The following CENPM variants were observed in gnomAD, a reference collection of about 807,000 sequenced individuals.
CENPM encodes centromere protein M.
CENPM carries 14 observed loss-of-function variants against 19.6 expected under a neutral mutation model. The observed-to-expected ratio is 0.71, with a 90% confidence interval of 0.47 to 1.11. The LOEUF (loss-of-function observed/expected upper bound fraction) is 1.11, where lower values mean the gene tolerates loss of function less well. Among genes scored for constraint, CENPM ranks in the 50% most tolerant of loss-of-function variants. The pLI, the probability that CENPM is intolerant of heterozygous loss-of-function variation, is 0.00. For missense variants in CENPM, 239 were observed against 228.4 expected (o/e 1.05, Z -0.30); for synonymous variants, 114 against 101.5 (o/e 1.12, Z -0.74).
chr22:41,929,001 C>T, the CENPM span, among the ~76,000 whole-genome samples: 1 of 151,988 alleles, frequency 6.6e-6, no homozygotes, highest in Admixed American at 6.5e-5. Context: ...CCCTCTCCAT[C>T]CCCTGTACAT....
intron 1 of CENPM, 142 bp from the exon 2 acceptor site, chr22:41,946,638 C>G: frequency 1.5e-6 from 1 of 682,794 alleles, no homozygotes; most frequent in Non-Finnish European, 2.5e-6. Flanking sequence ...GTGGACCCCG[C>G]GAAGCGGCAC....
chr22:41,943,681 T>C lies in CENPM; in HGVS notation c.331A>G (p.Ser111Gly), dbSNP rs755500839. Residue 111 changes from serine to glycine, a missense_variant, in exon 5 of 6, where the codon AGC becomes GGC. By Grantham distance (56) the Ser-to-Gly change is moderately conservative. Transcript: ENST00000215980. ...ATGAGRESHCSIHRHTVVKLA... is the reference protein window; with the variant it reads ...ATGAGRESHCGIHRHTVVKLA... ...TTCACCACGGTGTGCCGGTGAATGC[T>C]GCAGTGGCTCTCCCGCCCAGCTGGA... The C allele has an allele frequency of 2.5e-6, 4 of 1,613,526 alleles. No homozygotes were observed. The African/African-American group carries it at 4.0e-5, about 16-fold the overall frequency.
chr22:41,945,588 C>A (rs2077790976), intron 3 of CENPM, among the ~76,000 whole-genome samples: 1 of 151,676 alleles, frequency 6.6e-6, no homozygotes, highest in Non-Finnish European at 1.5e-5. Flanking sequence ...GTAGCTGGGA[C>A]TACAGGTACA....
downstream of CENPM, among the ~76,000 whole-genome samples, chr22:41,935,045 T>C (rs999085783): frequency 8.5e-5 from 13 of 152,246 alleles, no homozygotes; most frequent in African/African-American, 2.9e-4. Flanking sequence ...GGCTCAGCTC[T>C]GCTGTGAGGC....
chr22:41,946,718 G>C, intron 1 of CENPM: 1 of 593,322 alleles, frequency 1.7e-6, no homozygotes, highest in East Asian at 2.8e-5. Flanking sequence ...CCCGACCCTC[G>C]CTCCCACCGC....
chr22:41,933,073 C>T, the CENPM span, among the ~76,000 whole-genome samples: 2 of 152,068 alleles, frequency 1.3e-5, no homozygotes, highest in Non-Finnish European at 2.9e-5. Flanking sequence ...TCAGAGAAGG[C>T]CTGGTGGATG....
At chr22:41,946,880 G>T (rs1602395694) in intron 1 of CENPM, 140 bp downstream of exon 1, 2 of 818,754 alleles carry the variant, frequency 2.4e-6, no homozygotes, top group Admixed American at 2.1e-5. Flanking sequence ...TTGGTTCAGA[G>T]CATGGCTCTC....
chr22:41,943,686 T>G lies in CENPM; in HGVS notation c.326A>C (p.His109Pro). The change falls in exon 5 of 6, where the codon CAC becomes CCC. Residue 109 changes from histidine (H) to proline (P), a missense_variant. Physicochemically the swap from His to Pro is moderately conservative, Grantham distance 77 (BLOSUM62 -2). Coordinates refer to ENST00000215980, the MANE Select transcript of CENPM (RefSeq NM_024053.5). ...FLATGAGRES[H>P]CSIHRHTVVK... ...CACGGTGTGCCGGTGAATGCTGCAG[T>G]GGCTCTCCCGCCCAGCTGGAAAGAA... 1 of 1,613,492 alleles carries G rather than the reference T, an allele frequency of 6.2e-7. No homozygotes were observed. The highest frequency in any genetic ancestry group is 1.1e-5 in the South Asian group (1 of 90,936).
chr22:41,929,966 C>T, the CENPM span, among the ~76,000 whole-genome samples: 27 of 97,570 alleles, frequency 2.8e-4, no homozygotes, highest in Non-Finnish European at 5.5e-5. Context: ...TTTTTTGAGA[C>T]GGAGTCTCTC....
At chr22:41,941,814 C>T (rs765959049) in intron 5 of CENPM, among the ~76,000 whole-genome samples, 1 of 152,210 alleles carries the variant, frequency 6.6e-6, no homozygotes, top group Non-Finnish European at 1.5e-5. Context: ...AAATCAAATG[C>T]GTGATAGAGT....
intron 4 of CENPM, chr22:41,944,044 GACACCTCATGCATGCCGGAGTGAC>G: frequency 2.1e-6 from 2 of 940,118 alleles, no homozygotes; most frequent in South Asian, 9.8e-5. Context: ...AGACAGGTCA[GACACCTCATGCATGCCGGAGTGAC>G]ACTGGGGCTG....
chr22:41,936,645 G>C (rs1181948132), downstream of CENPM, among the ~76,000 whole-genome samples: 1 of 152,228 alleles, frequency 6.6e-6, no homozygotes, highest in South Asian at 2.1e-4. Flanking sequence ...AGAGGCCTTA[G>C]GCCGGCCGCG....
chr22:41,944,763 C>T (rs2077779690), intron 4 of CENPM: 1 of 985,242 alleles, frequency 1.0e-6, no homozygotes, highest in African/African-American at 1.7e-5. Context: ...AAGGCAGAGG[C>T]CAAACTGCAA....
At chr22:41,928,141 G>A in the CENPM span, 1 of 409,044 alleles carries the variant, frequency 2.4e-6, no homozygotes, top group Non-Finnish European at 4.9e-6. This position sits in a 1 kb window ranked among gnomAD's most constrained non-coding sequence, Gnocchi z 4.0. Flanking sequence ...AGCCACTGGG[G>A]CTTTGTGCAG....
chr22:41,941,573 G>C (rs969423180), intron 5 of CENPM, among the ~76,000 whole-genome samples: 1 of 152,222 alleles, frequency 6.6e-6, no homozygotes, highest in Admixed American at 6.5e-5. Context: ...GAGATGCTTC[G>C]TGGCAGACAA....
rs1443987169 is a variant in CENPM, at chr22:41,939,162, A to C, written c.437T>G (p.Leu146Arg). 1 of 1,612,468 alleles carries C rather than the reference A, an allele frequency of 6.2e-7. No homozygotes were observed. Among genetic ancestry groups the C allele is most frequent in the Admixed American group, 1.7e-5 (1 of 59,928 alleles). The stretch of plus-strand genomic sequence containing the variant: ...AGCACAGATCTGCAGCACGCGCACC[A>C]GGCGCTGCGCCATGGTGGCCCTAAA... Reference protein sequence around the residue: ...EGFRATMAQRLVRVLQICAGH... With the variant: ...EGFRATMAQRRVRVLQICAGH... Residue 146 changes from leucine (L) to arginine (R), a missense_variant, in exon 6 of 6, where the codon CTG becomes CGG. By Grantham distance (102) the Leu-to-Arg change is moderately radical. Coordinates refer to ENST00000215980, the MANE Select transcript of CENPM (RefSeq NM_024053.5).
At chr22:41,928,115 C>A in the CENPM span, 1 of 376,014 alleles carries the variant, frequency 2.7e-6, no homozygotes, top group Non-Finnish European at 5.3e-6. The surrounding 1 kb of genome is among the most constrained non-coding windows in gnomAD (Gnocchi z 4.0). Context: ...TGGACTGTGG[C>A]TGGGGGACAC....
rs576229182 is a variant in CENPM, at chr22:41,944,769, T to C, written c.310+456A>G. The C allele has an allele frequency of 3.1e-4, 305 of 985,372 alleles. 1 individual carries two copies. The African/African-American group carries it at 4.3e-3, about 14-fold the overall frequency. The allele number at this position is 985,372 out of a possible 1,614,324, so 61.0% of individuals were successfully genotyped here. A position where few individuals can be genotyped will look rare whatever the true frequency, so the allele number is the denominator to read the frequency against. ...CTAGCTCAGAAGGCAGAGGCCAAAC[T>C]GCAAAGTGTTTTATGTCTTTAGAGT... On this transcript the variant is annotated intron_variant, in intron 4 of 5. Coordinates refer to ENST00000215980, the MANE Select transcript of CENPM (RefSeq NM_024053.5).
chr22:41,935,332 T>C (rs909135807), downstream of CENPM, among the ~76,000 whole-genome samples: 6 of 152,062 alleles, frequency 3.9e-5, no homozygotes, highest in African/African-American at 1.4e-4. Context: ...CAGCAAAAAG[T>C]GACATCCCAG....
Sources: allele counts gnomAD v4.1 joint callset (sites outside exome capture counted in the v4.1 genomes callset), GRCh38; gene constraint gnomAD v4.1.1; non-coding constraint Gnocchi (gnomAD v3.1); transcripts MANE v1.5; gene names NCBI Gene and HGNC (gene_info 2026-07-23, HGNC 2026-07-21).